The following RBM26 variants were observed in gnomAD, a reference collection of about 807,000 sequenced individuals.
The protein encoded by RBM26 is RNA binding motif protein 26, also known as RNA-binding protein 26.
Under a neutral mutation model 123.6 loss-of-function variants are expected in RBM26, and 30 were observed. The observed-to-expected ratio is 0.24, with a 90% CI of 0.18 to 0.33. RBM26 has a LOEUF of 0.33. Among genes scored for constraint, RBM26 ranks in the 10% least tolerant of loss-of-function variants. The probability of loss-of-function intolerance (pLI) is 1.00; values close to 1 mark genes in which losing one functional copy is unlikely to be tolerated. For synonymous variants in RBM26, 400 were observed against 404.4 expected, an observed-to-expected ratio of 0.99 and a Z score of 0.13; for missense variants, 947 against 1,203.6, an observed-to-expected ratio of 0.79 and a Z score of 3.15.
rs915595849 is a variant in RBM26 at position 79,366,558 on chromosome 13, T to A, written c.1135+75A>T. 1.7e-5 allele frequency: 24 copies of A among 1,399,620 alleles called. No individual in the cohort carries two copies. The East Asian group carries it at 3.1e-4, about 18-fold the overall frequency. 86.7% of individuals were successfully genotyped at this position (1,399,620 alleles called of 1,614,324 possible). A position where few individuals can be genotyped will look rare whatever the true frequency, so the allele number is the denominator to read the frequency against. ...TGGGATTCCTTTAGATACTTTTAAT[T>A]TAAGAATCTATTAAGTTTTAAAAAT... On this transcript the variant is annotated intron_variant, in intron 7 of 21. Transcript: ENST00000438737.
chr13:79,358,527 A>G, intron 10 of RBM26, 94 bp from the exon 11 acceptor site: 1 of 982,366 alleles, frequency 1.0e-6, no homozygotes, highest in African/African-American at 1.7e-5. Context: ...ATATCCAATT[A>G]AGTTCAATTT....
intron 20 of RBM26, among the ~76,000 whole-genome samples, chr13:79,329,229 T>A (rs2068910711): frequency 6.6e-6 from 1 of 152,100 alleles, no homozygotes; most frequent in African/African-American, 2.4e-5. Context: ...TCTACTTGTA[T>A]GTGTGTATAT....
intron 14 of RBM26, among the ~76,000 whole-genome samples, chr13:79,346,135 T>C (rs2072287601): frequency 6.6e-6 from 1 of 152,178 alleles, no homozygotes; most frequent in African/African-American, 2.4e-5. Flanking sequence ...TGGCCCTATT[T>C]TTTAGCCACT....
At chr13:79,333,650 A>T (rs753619157) in intron 20 of RBM26, among the ~76,000 whole-genome samples, 5 of 152,194 alleles carry the variant, frequency 3.3e-5, no homozygotes, top group Non-Finnish European at 7.4e-5. Flanking sequence ...AAGAACACAC[A>T]GGGCAAAAAA....
At chr13:79,329,392 T>C (rs1410247821) in intron 20 of RBM26, among the ~76,000 whole-genome samples, 1 of 152,058 alleles carries the variant, frequency 6.6e-6, no homozygotes, top group Non-Finnish European at 1.5e-5. Flanking sequence ...TGAAAAGGAT[T>C]AGTGATGGTA....
At chr13:79,387,082 A>C (rs949924224) in intron 1 of RBM26, among the ~76,000 whole-genome samples, 1 of 152,126 alleles carries the variant, frequency 6.6e-6, no homozygotes, top group Non-Finnish European at 1.5e-5. Context: ...TCATGCCAAA[A>C]TTTATCTTTA....
chr13:79,374,620 G>A (rs1049131677), intron 3 of RBM26, among the ~76,000 whole-genome samples: 1 of 152,050 alleles, frequency 6.6e-6, no homozygotes, highest in Non-Finnish European at 1.5e-5. Flanking sequence ...AAGTACTTTC[G>A]TACTCTTTCC....
At chr13:79,331,317 G>A (rs2069297886) in intron 20 of RBM26, among the ~76,000 whole-genome samples, 1 of 148,694 alleles carries the variant, frequency 6.7e-6, no homozygotes, top group Admixed American at 6.7e-5. Flanking sequence ...CTTTCCTTTT[G>A]ATATAAAAAA....
At chr13:79,321,398 T>C (rs2067655019) in intron 21 of RBM26, among the ~76,000 whole-genome samples, 1 of 151,484 alleles carries the variant, frequency 6.6e-6, no homozygotes, top group Non-Finnish European at 1.5e-5. Flanking sequence ...CTTGAAATGC[T>C]CTTCAAACAA....
intron 9 of RBM26, 69 bp from the exon 10 acceptor site, chr13:79,359,755 T>C (rs903217474): frequency 4.9e-6 from 3 of 615,502 alleles, no homozygotes; most frequent in Non-Finnish European, 7.5e-6. Context: ...CATAGATACC[T>C]TCCTCATACA....
chr13:79,363,428 A>C (rs1322812374), intron 9 of RBM26, among the ~76,000 whole-genome samples: 1 of 152,164 alleles, frequency 6.6e-6, no homozygotes, highest in Non-Finnish European at 1.5e-5. Context: ...ATAAGAAAAC[A>C]GAAGGACTAA....
chr13:79,338,661 A>G (rs1488494059), intron 18 of RBM26, among the ~76,000 whole-genome samples: 3 of 152,326 alleles, frequency 2.0e-5, no homozygotes, highest in Admixed American at 2.0e-4. Context: ...GATTTTAAGC[A>G]GTAAAAGAGT....
chr13:79,396,957 A>G (rs903723955), intron 1 of RBM26, among the ~76,000 whole-genome samples: 8 of 152,210 alleles, frequency 5.3e-5, no homozygotes, highest in Non-Finnish European at 1.2e-4. Flanking sequence ...AGGCAGGCAG[A>G]TCACCTGAGG....
At chr13:79,373,728 A>AT (rs1259025959) in intron 3 of RBM26, among the ~76,000 whole-genome samples, 86 of 56,976 alleles carry the variant, frequency 1.5e-3, no homozygotes, top group African/African-American at 3.5e-3. Context: ...TATATATAAT[A>AT]ATATATAATA....
At chr13:79,398,596 T>G (rs1472328348) in intron 1 of RBM26, among the ~76,000 whole-genome samples, 1 of 152,220 alleles carries the variant, frequency 6.6e-6, no homozygotes, top group African/African-American at 2.4e-5. Context: ...TTAGAATTAC[T>G]ATAATTCTTT....
At chr13:79,397,763 A>T (rs371275873) in intron 1 of RBM26, among the ~76,000 whole-genome samples, 21 of 151,796 alleles carry the variant, frequency 1.4e-4, no homozygotes, top group African/African-American at 4.3e-4. Flanking sequence ...GATTGGTAGA[A>T]GAAAATTCCA....
chr13:79,369,471 T>A (rs575443508), intron 5 of RBM26, among the ~76,000 whole-genome samples: 5 of 152,134 alleles, frequency 3.3e-5, no homozygotes, highest in Non-Finnish European at 7.4e-5. Flanking sequence ...CATATGGTCC[T>A]CAGGAAACAG....
chr13:79,342,073 C>A (rs1040629575), intron 17 of RBM26, among the ~76,000 whole-genome samples: 5 of 151,568 alleles, frequency 3.3e-5, no homozygotes, highest in African/African-American at 1.2e-4. Flanking sequence ...ATTAGTGGAA[C>A]GAAGTTGTCA....
At chr13:79,332,574 A>G (rs1447523980) in intron 20 of RBM26, among the ~76,000 whole-genome samples, 1 of 152,190 alleles carries the variant, frequency 6.6e-6, no homozygotes, top group Non-Finnish European at 1.5e-5. Flanking sequence ...AACATTTATC[A>G]TAGCAGTGGT....
Sources: gnomAD v4.1 joint callset for allele counts (sites outside exome capture counted in the v4.1 genomes callset) on GRCh38, gnomAD v4.1.1 for gene constraint, MANE v1.5 for transcripts, NCBI Gene and HGNC (gene_info 2026-07-23, HGNC 2026-07-21) for gene names.